The following SLC44A5 variants were observed in gnomAD, a reference collection of about 807,000 sequenced individuals.
The protein encoded by SLC44A5 is choline transporter-like protein 5.
A neutral mutation model predicts 101.8 loss-of-function variants in SLC44A5; 57 were observed. The observed-to-expected ratio is 0.56, with a 90% CI of 0.45 to 0.70. SLC44A5 has a LOEUF of 0.70. Among genes scored for constraint, SLC44A5 ranks in the 30% least tolerant of loss-of-function variants. The pLI, the probability that SLC44A5 is intolerant of heterozygous loss-of-function variation, is 0.00. For synonymous variants in SLC44A5, 281 were observed against 290.9 expected, an observed-to-expected ratio of 0.97 and a Z score of 0.35; for missense variants, 737 against 853.1, an observed-to-expected ratio of 0.86 and a Z score of 1.70.
At chr1:75,709,376 C>T in the SLC44A5 span, among the ~76,000 whole-genome samples, 3 of 152,172 alleles carry the variant, frequency 2.0e-5, no homozygotes, top group Admixed American at 1.3e-4. Flanking sequence ...TTATTACATA[C>T]TGATACTCAT....
In SLC44A5 at chr1:75,452,426, A is replaced by G. The variant is rs555655525; in HGVS notation, c.14-55805T>C. Reference sequence around the variant, plus strand: ...CTCTAAACATGGAAATGACAGAATGATACTTGCTACCACAAACACACACTT... The same window carrying G: ...CTCTAAACATGGAAATGACAGAATGGTACTTGCTACCACAAACACACACTT... On this transcript the variant is annotated intron_variant, in intron 2 of 23. Transcript: ENST00000370859. Among the ~76,000 whole-genome samples, 7 of 152,286 alleles carry G rather than the reference A, an allele frequency of 4.6e-5. No individual in the cohort carries two copies. The South Asian group carries it at 1.2e-3, about 27-fold the overall frequency.
chr1:75,702,286 G>A, the SLC44A5 span, among the ~76,000 whole-genome samples: 2 of 152,168 alleles, frequency 1.3e-5, no homozygotes, highest in African/African-American at 2.4e-5. Flanking sequence ...AACGAAAACA[G>A]CATGGTACTG....
At chr1:75,311,881 A>G (rs537484868) in intron 4 of SLC44A5, among the ~76,000 whole-genome samples, 15 of 152,316 alleles carry the variant, frequency 9.8e-5, no homozygotes, top group African/African-American at 3.1e-4. Context: ...TTCAGGCAGA[A>G]GAAACAGCAA....
chr1:75,221,112 T>C (rs1032889580), intron 14 of SLC44A5, among the ~76,000 whole-genome samples: 2 of 152,200 alleles, frequency 1.3e-5, no homozygotes, highest in Admixed American at 1.3e-4. Flanking sequence ...CAGTGGCTAA[T>C]GATAGGTTAT....
At position 75,202,963 on chromosome 1, in the gene SLC44A5, T is replaced by C. The variant is rs1277259270; in HGVS notation, c.*764A>G. ...TCCACTAGGCGCAAGGGAAATTGTT[T>C]AGCTGCACAATGTATTCCATAATAG... On this transcript the variant is annotated 3_prime_UTR_variant, in exon 24 of 24. Transcript: ENST00000370859. 2 of 152,182 alleles carry C rather than the reference T, an allele frequency of 1.3e-5. No homozygotes were observed. The highest frequency in any genetic ancestry group is 4.8e-5 in the African/African-American group (2 of 41,458). 9.4% of individuals were successfully genotyped at this position (152,182 alleles called of 1,614,324 possible).
intron 14 of SLC44A5, among the ~76,000 whole-genome samples, chr1:75,221,334 T>TA (rs1647075499): frequency 1.3e-5 from 2 of 152,220 alleles, no homozygotes; most frequent in Admixed American, 1.3e-4. Context: ...AATAATGCTT[T>TA]CCCGGTTACT....
At chr1:75,271,501 G>T (rs79510738) in intron 6 of SLC44A5, among the ~76,000 whole-genome samples, 44 of 142,462 alleles carry the variant, frequency 3.1e-4, no homozygotes, top group African/African-American at 1.1e-3. Flanking sequence ...CATGTTTTGT[G>T]TGTGTGTGTG....
intron 2 of SLC44A5, among the ~76,000 whole-genome samples, chr1:75,517,602 G>A (rs910768279): frequency 5.9e-5 from 9 of 152,078 alleles, no homozygotes; most frequent in African/African-American, 2.2e-4. Flanking sequence ...TGACCCCGGG[G>A]GAGACAGCTG....
intron 2 of SLC44A5, among the ~76,000 whole-genome samples, chr1:75,507,589 C>G (rs530085324): frequency 7.7e-4 from 117 of 152,192 alleles, no homozygotes; most frequent in African/African-American, 2.7e-3. Flanking sequence ...AGAAGTCCCT[C>G]CTCCTCGATT....
At chr1:75,619,083 G>GA in the SLC44A5 span, among the ~76,000 whole-genome samples, 18 of 85,044 alleles carry the variant, frequency 2.1e-4, no homozygotes, top group Admixed American at 1.2e-3. Flanking sequence ...AAAAAAAGGG[G>GA]GGGGGGAAGG....
At chr1:75,659,444 G>GGAGGGAAT in the SLC44A5 span, among the ~76,000 whole-genome samples, 1 of 9,566 alleles carries the variant, frequency 1.0e-4, no homozygotes, top group African/African-American at 3.0e-4. Context: ...AGGGAGGGAG[G>GGAGGGAAT]GAAGGAAGGA....
intron 1 of SLC44A5, among the ~76,000 whole-genome samples, chr1:75,580,782 GAGCTGAGATCA>G (rs1417539369): frequency 6.7e-6 from 1 of 149,144 alleles, no homozygotes; most frequent in African/African-American, 2.5e-5. Flanking sequence ...AGGTCGCAGT[GAGCTGAGATCA>G]AGCCACTGCA....
chr1:75,278,346 G>A (rs779677783), intron 5 of SLC44A5, among the ~76,000 whole-genome samples: 1 of 151,744 alleles, frequency 6.6e-6, no homozygotes, highest in Non-Finnish European at 1.5e-5. Context: ...ATTTCTCCTG[G>A]ACAGATCTGT....
At chr1:75,394,110 C>A (rs1391489079) in intron 3 of SLC44A5, among the ~76,000 whole-genome samples, 1 of 151,972 alleles carries the variant, frequency 6.6e-6, no homozygotes, top group Non-Finnish European at 1.5e-5. Flanking sequence ...TAAGTGTGAG[C>A]GACTGGCCAG....
rs146809644 is a variant in SLC44A5, at chr1:75,462,506, T to A, written c.14-65885A>T. ...TGAACATCTGCAAGAATGAAGACAATCCATGAAAACACAACATCACCAAAT... is the reference window on the plus strand; with the variant it reads ...TGAACATCTGCAAGAATGAAGACAAACCATGAAAACACAACATCACCAAAT... On this transcript the variant is annotated intron_variant, in intron 2 of 23. Coordinates refer to ENST00000370859, the MANE Select transcript of SLC44A5 (RefSeq NM_001130058.2). Among the ~76,000 whole-genome samples the A allele has an allele frequency of 3.6e-3, 544 of 152,058 alleles. 2 individuals are homozygous for A. Among genetic ancestry groups the A allele is most frequent in the African/African-American group, 0.013 (528 of 41,474 alleles).
chr1:75,500,070 C>T (rs1238996386), intron 2 of SLC44A5, among the ~76,000 whole-genome samples: 1 of 152,208 alleles, frequency 6.6e-6, no homozygotes, highest in Non-Finnish European at 1.5e-5. Context: ...GTCCAAATGG[C>T]CATGTGTAGC....
intron 2 of SLC44A5, among the ~76,000 whole-genome samples, chr1:75,520,514 A>G (rs1670056699): frequency 6.6e-6 from 1 of 152,208 alleles, no homozygotes; most frequent in East Asian, 1.9e-4. Context: ...AGAAGGATGG[A>G]CAGACAGTAG....
chr1:75,520,899 T>C (rs1298886372), intron 2 of SLC44A5, among the ~76,000 whole-genome samples: 1 of 152,192 alleles, frequency 6.6e-6, no homozygotes, highest in Non-Finnish European at 1.5e-5. Flanking sequence ...TGTCCTATTT[T>C]AGACAACACT....
At chr1:75,237,419 A>G (rs1648192346) in intron 10 of SLC44A5, among the ~76,000 whole-genome samples, 1 of 152,128 alleles carries the variant, frequency 6.6e-6, no homozygotes, top group Admixed American at 6.6e-5. Context: ...GTCAAGAATG[A>G]ACATGATCTT....
Sources: gnomAD v4.1 joint callset for allele counts (sites outside exome capture counted in the v4.1 genomes callset) on GRCh38, gnomAD v4.1.1 for gene constraint, MANE v1.5 for transcripts, NCBI Gene and HGNC (gene_info 2026-07-23, HGNC 2026-07-21) for gene names.